Variants in MAPKAP1 observed in about 807,000 individuals in gnomAD.
MAPKAP1 encodes MAPK associated protein 1, also known as target of rapamycin complex 2 subunit MAPKAP1.
In MAPKAP1, 20 loss-of-function variants were observed where a neutral mutation model predicts 65.7. The observed-to-expected ratio is 0.30, with a 90% CI of 0.21 to 0.44. The LOEUF (loss-of-function observed/expected upper bound fraction) is 0.44, where lower values mean the gene tolerates loss of function less well. Among genes scored for constraint, MAPKAP1 ranks in the 20% least tolerant of loss-of-function variants. The probability of loss-of-function intolerance (pLI) is 1.00; values close to 1 mark genes in which losing one functional copy is unlikely to be tolerated. For synonymous variants in MAPKAP1, 222 were observed against 244.3 expected, an observed-to-expected ratio of 0.91 and a Z score of 0.85; for missense variants, 423 against 648.0, an observed-to-expected ratio of 0.65 and a Z score of 3.77.
intron 8 of MAPKAP1, among the ~76,000 whole-genome samples, chr9:125,503,893 TTTTTTTTTTTTTTTTG>T (rs1277775366): frequency 9.0e-5 from 12 of 133,478 alleles, no homozygotes; most frequent in African/African-American, 3.5e-4. Context: ...TTTTTTTTTT[TTTTTTTTTTTTTTTTG>T]TATTTTTGGT....
At chr9:125,543,863 G>A (rs796231086) in intron 6 of MAPKAP1, among the ~76,000 whole-genome samples, 16 of 152,258 alleles carry the variant, frequency 1.1e-4, no homozygotes, top group African/African-American at 2.9e-4. Context: ...TGTGTCAGTA[G>A]ATGTCACTAC....
rs560953569 is a variant in MAPKAP1, at chr9:125,593,281, G to A, written c.499-7554C>T. Among the ~76,000 whole-genome samples the A allele has an allele frequency of 5.9e-5, 9 of 152,138 alleles. No individual in the cohort carries two copies. In the South Asian group the frequency reaches 1.7e-3, roughly 28 times the overall value. On this transcript the variant is annotated intron_variant, in intron 4 of 11. Transcript: ENST00000265960. ...ATCATGCCACTGCACTCCAACCTGG[G>A]TGACAGAGTGAGACTGTCTCAAAAA...
At chr9:125,558,395 G>C (rs1265018698) in intron 6 of MAPKAP1, among the ~76,000 whole-genome samples, 1 of 152,102 alleles carries the variant, frequency 6.6e-6, no homozygotes, top group Non-Finnish European at 1.5e-5. Context: ...TTGTAGTAGG[G>C]ATGAAACGGC....
intron 5 of MAPKAP1, among the ~76,000 whole-genome samples, chr9:125,579,658 T>G (rs1376950721): frequency 1.3e-5 from 2 of 152,232 alleles, no homozygotes; most frequent in Non-Finnish European, 2.9e-5. Flanking sequence ...ACTCTTCATG[T>G]GCATCCAGCA....
At chr9:125,507,402 C>T (rs1829172724) in intron 7 of MAPKAP1, among the ~76,000 whole-genome samples, 1 of 152,156 alleles carries the variant, frequency 6.6e-6, no homozygotes, top group East Asian at 1.9e-4. Flanking sequence ...GGTGAGAGAG[C>T]TGAGGGAAGC....
At chr9:125,659,996 CCCT>C (rs1423209097) in intron 3 of MAPKAP1, among the ~76,000 whole-genome samples, 3 of 152,136 alleles carry the variant, frequency 2.0e-5, no homozygotes, top group African/African-American at 7.2e-5. Context: ...GTTCCTCACT[CCCT>C]CCTGTTTTAA....
intron 8 of MAPKAP1, among the ~76,000 whole-genome samples, chr9:125,495,000 G>C (rs1854887303): frequency 6.6e-6 from 1 of 152,202 alleles, no homozygotes; most frequent in Non-Finnish European, 1.5e-5. Context: ...ACAGGATGAA[G>C]CATGACCACT....
chr9:125,600,704 T>A (rs946285510), intron 4 of MAPKAP1, among the ~76,000 whole-genome samples: 8 of 152,216 alleles, frequency 5.3e-5, no homozygotes, highest in Admixed American at 2.6e-4. Context: ...CCACATTCTC[T>A]TCTCATCCAG....
intron 3 of MAPKAP1, among the ~76,000 whole-genome samples, chr9:125,659,455 T>G (rs1444576703): frequency 1.3e-5 from 2 of 152,168 alleles, no homozygotes; most frequent in Non-Finnish European, 2.9e-5. Flanking sequence ...CTCTTCCTCC[T>G]TTGTCGAGGC....
chr9:125,599,475 A>C (rs1349774164), intron 4 of MAPKAP1, among the ~76,000 whole-genome samples: 2 of 152,180 alleles, frequency 1.3e-5, no homozygotes, highest in African/African-American at 4.8e-5. Context: ...CTAGTATCTC[A>C]AACAAAAAAC....
At chr9:125,615,584 A>C (rs943522414) in intron 4 of MAPKAP1, among the ~76,000 whole-genome samples, 6 of 150,748 alleles carry the variant, frequency 4.0e-5, no homozygotes, top group African/African-American at 1.5e-4. Context: ...GCAGGGCAAT[A>C]GGTTAAGAAT....
rs201745701 is a variant in MAPKAP1, at chr9:125,617,042, TTG to T, written c.499-31317_499-31316del. Among the ~76,000 whole-genome samples the T allele has an allele frequency of 1.3e-3, 193 of 152,304 alleles. 2 individuals carry two copies. In the South Asian group the frequency reaches 0.021, roughly 16 times the overall value. ...TAATATGCATGTTATGTGTTTCTAT[TTG>T]TGTGTGTGTGAAGTGACAGATATTT... On this transcript the variant is annotated intron_variant, in intron 4 of 11. Transcript: ENST00000265960.
chr9:125,507,508 T>C (rs532458392), intron 7 of MAPKAP1, among the ~76,000 whole-genome samples: 1 of 152,338 alleles, frequency 6.6e-6, no homozygotes, highest in Non-Finnish European at 1.5e-5. Flanking sequence ...CTAGTGCTTC[T>C]CTATCATCAG....
chr9:125,481,544 T>C (rs1334954758), intron 9 of MAPKAP1, among the ~76,000 whole-genome samples: 1 of 151,966 alleles, frequency 6.6e-6, no homozygotes, highest in African/African-American at 2.4e-5. Context: ...CATCGCAGCC[T>C]CCTGAGTAGC....
At chr9:125,607,682 T>A (rs1041380287) in intron 4 of MAPKAP1, among the ~76,000 whole-genome samples, 1 of 152,116 alleles carries the variant, frequency 6.6e-6, no homozygotes, top group African/African-American at 2.4e-5. Context: ...TTTGAGACAG[T>A]GTCTTGCTCT....
chr9:125,676,403 G>A (rs1834644813), intron 1 of MAPKAP1, among the ~76,000 whole-genome samples: 1 of 152,154 alleles, frequency 6.6e-6, no homozygotes, highest in Non-Finnish European at 1.5e-5. Context: ...GGTAGAGGGT[G>A]AACAAAATGT....
chr9:125,437,449 G>T lies in MAPKAP1; in HGVS notation c.*1438C>A, dbSNP rs1057157114. 4 of 152,472 alleles carry T rather than the reference G, an allele frequency of 2.6e-5. No individual in the cohort carries two copies. Among genetic ancestry groups the T allele is most frequent in the Admixed American group, 6.5e-5 (1 of 15,270 alleles). 9.4% of individuals were successfully genotyped at this position (152,472 alleles called of 1,614,324 possible). ...CATTTTAATATCGAATATGTCACAA[G>T]ATTTAATGACCAAATTAGTCATTTA... On this transcript the variant is annotated 3_prime_UTR_variant, in exon 12 of 12. Coordinates refer to ENST00000265960, the MANE Select transcript of MAPKAP1 (RefSeq NM_001006617.3).
chr9:125,580,587 T>C (rs1490750526), intron 5 of MAPKAP1, among the ~76,000 whole-genome samples: 1 of 151,330 alleles, frequency 6.6e-6, no homozygotes, highest in East Asian at 1.9e-4. Context: ...CTATTGTAAA[T>C]GACGAGTTAA....
chr9:125,689,810 G>A (rs1480088290), intron 1 of MAPKAP1, among the ~76,000 whole-genome samples: 1 of 151,668 alleles, frequency 6.6e-6, no homozygotes, highest in Admixed American at 6.6e-5. Flanking sequence ...CTACGGGCCA[G>A]GCGCGGTGGC....
Sources: allele counts gnomAD v4.1 joint callset (sites outside exome capture counted in the v4.1 genomes callset), GRCh38; gene constraint gnomAD v4.1.1; transcripts MANE v1.5; gene names NCBI Gene and HGNC (gene_info 2026-07-23, HGNC 2026-07-21).